Variants in UBE2S observed in about 807,000 individuals in gnomAD.
The protein encoded by UBE2S is ubiquitin conjugating enzyme E2 S, also known as ubiquitin-conjugating enzyme E2 S.
Under a neutral mutation model 12.3 loss-of-function variants are expected in UBE2S, and 3 were observed. That is an observed-to-expected ratio of 0.24 (90% CI 0.11 to 0.63). The LOEUF is 0.63. Among genes scored for constraint, UBE2S ranks in the 30% least tolerant of loss-of-function variants. The pLI is 0.85. For synonymous variants in UBE2S, 133 were observed against 142.0 expected (o/e 0.94, Z 0.45); for missense variants, 211 against 313.9 (o/e 0.67, Z 2.48).
chr19:55,401,700 G>A lies in UBE2S; in HGVS notation c.405C>T (p.Arg135=), dbSNP rs774701497. 5 of 1,613,194 alleles carry A rather than the reference G, an allele frequency of 3.1e-6. No homozygotes were observed. Among genetic ancestry groups the A allele is most frequent in the Non-Finnish European group, 3.4e-6 (4 of 1,179,842 alleles). Residue 135 remains arginine, a synonymous_variant, in exon 4 of 4, where the codon CGC becomes CGT. Coordinates refer to ENST00000264552, the MANE Select transcript of UBE2S (RefSeq NM_014501.3). ...PESALNEEAG[R]LLLENYEEYA... ...ACTCCTCGTAGTTCTCCAAGAGCAG[G>A]CGGCCCGCCTCCTCGTTGAGTGCAG... is the stretch of plus-strand genomic sequence containing the variant.
rs774987019 is a variant in UBE2S at position 55,401,777 on chromosome 19, T to A, written c.343-15A>T. ...CACTTGATGGTCTGTGGGAAGAGGCTCAGGGTCACAGTGGGTCGGGCAACC... is the reference window on the plus strand; with the variant it reads ...CACTTGATGGTCTGTGGGAAGAGGCACAGGGTCACAGTGGGTCGGGCAACC... On this transcript the variant is annotated splice_polypyrimidine_tract_variant and intron_variant, in intron 3 of 3. Transcript: ENST00000264552. 1 of 1,612,898 alleles carries A rather than the reference T, an allele frequency of 6.2e-7. No individual in the cohort carries two copies. The highest frequency in any genetic ancestry group is 8.5e-7 in the Non-Finnish European group (1 of 1,179,992).
rs1456849529 is a variant in UBE2S at position 55,404,710 on chromosome 19, C to G, written c.152-232G>C. ...CACTGCCGCCTGCAATTCCTGGGCT[C>G]AGGTGATCCCATCTCAGCCTGCCAA... On this transcript the variant is annotated intron_variant, in intron 2 of 3. Coordinates refer to ENST00000264552, the MANE Select transcript of UBE2S (RefSeq NM_014501.3). The surrounding 1 kb of genome is among the most constrained non-coding windows in gnomAD (Gnocchi z 4.4). Among the ~76,000 whole-genome samples, 1 of 152,198 alleles carries G rather than the reference C, an allele frequency of 6.6e-6. No individual in the cohort carries two copies. The highest frequency in any genetic ancestry group is 2.4e-5 in the African/African-American group (1 of 41,440).
intron 3 of UBE2S, 83 bp from the exon 4 acceptor site, chr19:55,401,845 T>G (rs2090061903): frequency 1.4e-6 from 2 of 1,444,776 alleles, no homozygotes; most frequent in Non-Finnish European, 1.9e-6. Context: ...GCCTCCGCAC[T>G]GGCTGTTCCT....
chr19:55,406,523 A>C (rs1258354758), intron 2 of UBE2S, among the ~76,000 whole-genome samples: 1 of 151,996 alleles, frequency 6.6e-6, no homozygotes, highest in Non-Finnish European at 1.5e-5. Flanking sequence ...CTCTCTTCCC[A>C]TTCCTACTTA....
intron 2 of UBE2S, 152 bp downstream of exon 2, chr19:55,406,663 T>C (rs2090097920): frequency 8.1e-6 from 7 of 867,220 alleles, no homozygotes; most frequent in South Asian, 4.5e-5. Flanking sequence ...GAGTACATAA[T>C]TGTCATTTGT....
rs77917452 is a variant in UBE2S, at chr19:55,406,102, T to C, written c.151+713A>G. Among the ~76,000 whole-genome samples, 405 of 152,328 alleles carry C rather than the reference T, an allele frequency of 2.7e-3. 2 individuals carry two copies. Among genetic ancestry groups the C allele is most frequent in the Non-Finnish European group, 4.9e-3 (332 of 68,028 alleles). On this transcript the variant is annotated intron_variant, in intron 2 of 3. Coordinates refer to ENST00000264552, the MANE Select transcript of UBE2S (RefSeq NM_014501.3). ...AGCTTCATCATCAACTTTCTTCATG[T>C]GTTTTTACCAAGCGCCCAGCTCCAC...
Position 55,407,596 on chromosome 19 carries a change from G to C in UBE2S, c.-7C>G, listed in dbSNP as rs1050539351. 7.0e-7 allele frequency: 1 copy of C among 1,423,092 alleles called. No individual in the cohort carries two copies. Among genetic ancestry groups the C allele is most frequent in the African/African-American group, 1.5e-5 (1 of 66,480 alleles). 88.2% of individuals were successfully genotyped at this position (1,423,092 alleles called of 1,614,324 possible). A position where few individuals can be genotyped will look rare whatever the true frequency, so the allele number is the denominator to read the frequency against. ...CATCGCCCGTGCTCACCATGGCTGC[G>C]GCCGGCCGGGGGCGGGTCCCCCCGG... On this transcript the variant is annotated 5_prime_UTR_variant, in exon 1 of 4. Coordinates refer to ENST00000264552, the MANE Select transcript of UBE2S (RefSeq NM_014501.3).
rs542041368 is a variant in UBE2S at position 55,404,072 on chromosome 19, T to C, written c.342+216A>G. 3.8e-5 allele frequency: 22 copies of C among 579,536 alleles called. No individual in the cohort carries two copies. The South Asian group carries it at 3.8e-4, about 10-fold the overall frequency. The allele number at this position is 579,536 out of a possible 1,614,324, so 35.9% of individuals were successfully genotyped here. A position where few individuals can be genotyped will look rare whatever the true frequency, so the allele number is the denominator to read the frequency against. ...CAATACAAACTCACCACTCGTTGCA[T>C]AGTAAGGTGCTCCTGGGCACTTCTC... On this transcript the variant is annotated intron_variant, in intron 3 of 3. Transcript: ENST00000264552. The surrounding 1 kb of genome is among the most constrained non-coding windows in gnomAD (Gnocchi z 4.4).
Position 55,406,688 on chromosome 19 carries a change from T to C in UBE2S, c.151+127A>G, listed in dbSNP as rs886223884. On this transcript the variant is annotated intron_variant, in intron 2 of 3. Coordinates refer to ENST00000264552, the MANE Select transcript of UBE2S (RefSeq NM_014501.3). Reference sequence around the variant, plus strand: ...TTGTCATTTGTGGCGTCCTGCCCTGTCCACCAATGCATCCCAACACCTGAC... The same window carrying C: ...TTGTCATTTGTGGCGTCCTGCCCTGCCCACCAATGCATCCCAACACCTGAC... The C allele has an allele frequency of 3.3e-6, 4 of 1,216,888 alleles. No homozygotes were observed. The African/African-American group carries it at 6.1e-5, about 19-fold the overall frequency. 75.4% of individuals were successfully genotyped at this position (1,216,888 alleles called of 1,614,324 possible).
At chr19:55,405,167 G>A (rs1208327808) in intron 2 of UBE2S, among the ~76,000 whole-genome samples, 4 of 138,618 alleles carry the variant, frequency 2.9e-5, no homozygotes, top group African/African-American at 5.6e-5. Flanking sequence ...CGGAGATCGC[G>A]CCACTGCACT....
chr19:55,403,763 T>G (rs2090078566), intron 3 of UBE2S: 1 of 148,922 alleles, frequency 6.7e-6, no homozygotes, highest in Non-Finnish European at 1.5e-5. Flanking sequence ...TTTTTTGAGA[T>G]AGAGTCTCAC....
intron 1 of UBE2S, 47 bp from the exon 2 acceptor site, chr19:55,407,009 C>A: frequency 6.3e-7 from 1 of 1,596,788 alleles, no homozygotes; most frequent in Non-Finnish European, 8.5e-7. Flanking sequence ...AAGAGCTGGG[C>A]TTCCCGCAGG....
At chr19:55,407,026 A>G in intron 1 of UBE2S, 64 bp from the exon 2 acceptor site, 1 of 1,573,424 alleles carries the variant, frequency 6.4e-7, no homozygotes, top group Admixed American at 1.8e-5. Context: ...CAGGGCCTAA[A>G]GATGCTGAGA....
rs963193923 is a variant in UBE2S at position 55,407,731 on chromosome 19, C to T, written c.-142G>A. On this transcript the variant is annotated 5_prime_UTR_variant, in exon 1 of 4. Transcript: ENST00000264552. ...CCGCTCCGCTCCCCGCTGCCTCCGA[C>T]GTCCGCCGCGCACAGCGTAGACCAA... 33 of 568,782 alleles carry T rather than the reference C, an allele frequency of 5.8e-5. No homozygotes were observed. Among genetic ancestry groups the T allele is most frequent in the Admixed American group, 4.2e-4 (9 of 21,582 alleles). The allele number at this position is 568,782 out of a possible 1,614,324, so 35.2% of individuals were successfully genotyped here.
chr19:55,402,564 G>A (rs1169908819), intron 3 of UBE2S, among the ~76,000 whole-genome samples: 1 of 152,212 alleles, frequency 6.6e-6, no homozygotes, highest in South Asian at 2.1e-4. Context: ...GGGCCACTAT[G>A]ACACATACAC....
chr19:55,401,545 C>A lies in UBE2S; in HGVS notation c.560G>T (p.Gly187Val), dbSNP rs762051776. 13 of 1,610,428 alleles carry A rather than the reference C, an allele frequency of 8.1e-6. No individual in the cohort carries two copies. Among genetic ancestry groups the A allele is most frequent in the Admixed American group, 3.3e-5 (2 of 59,896 alleles). The change falls in exon 4 of 4, where the codon GGC becomes GTC. Residue 187 changes from glycine to valine, a missense_variant. Transcript: ENST00000264552. ...ASSTDPGAPGGPGGAEGPMAK... is the reference protein window; with the variant it reads ...ASSTDPGAPGVPGGAEGPMAK... Reference sequence around the variant, plus strand: ...CATGGGACCCTCAGCCCCTCCCGGGCCCCCTGGGGCCCCAGGGTCGGTGGA... The same window carrying A: ...CATGGGACCCTCAGCCCCTCCCGGGACCCCTGGGGCCCCAGGGTCGGTGGA...
chr19:55,402,803 T>G, intron 3 of UBE2S: 1 of 670,848 alleles, frequency 1.5e-6, no homozygotes, highest in Non-Finnish European at 2.5e-6. Flanking sequence ...GCGGTACATG[T>G]GGGAGGGAAG....
intron 2 of UBE2S, among the ~76,000 whole-genome samples, chr19:55,405,760 A>G (rs1600322654): frequency 6.6e-6 from 1 of 152,146 alleles, no homozygotes; most frequent in African/African-American, 2.4e-5. Context: ...CAAGGATCCA[A>G]CTGTCTGTTA....
In UBE2S at chr19:55,401,618, C is replaced by T. The variant is rs750061593; in HGVS notation, c.487G>A (p.Gly163Ser). Residue 163 changes from glycine to serine, a missense_variant, in exon 4 of 4, where the codon GGC becomes AGC. Transcript: ENST00000264552. The part of the protein sequence containing the change: ...EIHGGAGGPS[G>S]RAEAGRALAS... Reference sequence around the variant, plus strand: ...AGGGCCCGACCGGCTTCGGCCCTGCCGCTGGGCCCGCCGGCGCCCCCGTGG... The same window carrying T: ...AGGGCCCGACCGGCTTCGGCCCTGCTGCTGGGCCCGCCGGCGCCCCCGTGG... 3.6e-5 allele frequency: 57 copies of T among 1,605,392 alleles called. No individual in the cohort carries two copies. The East Asian group carries it at 3.8e-4, about 11-fold the overall frequency.
Sources: gnomAD v4.1 joint callset for allele counts (sites outside exome capture counted in the v4.1 genomes callset) on GRCh38, gnomAD v4.1.1 for gene constraint, Gnocchi (gnomAD v3.1) non-coding constraint, MANE v1.5 for transcripts, NCBI Gene and HGNC (gene_info 2026-07-23, HGNC 2026-07-21) for gene names.